MAML2: variants seen among roughly 807,000 people sequenced by gnomAD.
The protein encoded by MAML2 is mastermind-like protein 2.
In MAML2, 22 loss-of-function variants were observed where a neutral mutation model predicts 96.1. The observed-to-expected ratio is 0.23, with a 90% CI of 0.16 to 0.33. MAML2 has a LOEUF of 0.33. Among genes scored for constraint, MAML2 ranks in the 10% least tolerant of loss-of-function variants. The probability of loss-of-function intolerance (pLI) is 1.00; values close to 1 mark genes in which losing one functional copy is unlikely to be tolerated. For missense variants in MAML2, 1,367 were observed against 1,392.4 expected, an observed-to-expected ratio of 0.98 and a Z score of 0.29; for synonymous variants, 561 against 521.3, an observed-to-expected ratio of 1.08 and a Z score of -1.04.
At chr11:96,161,803 G>T (rs751810797) in intron 1 of MAML2, among the ~76,000 whole-genome samples, 1 of 152,140 alleles carries the variant, frequency 6.6e-6, no homozygotes, top group Non-Finnish European at 1.5e-5. Context: ...CTCCCAGTTT[G>T]CCTCCTGTCT....
chr11:96,139,331 G>C (rs1246758754), intron 1 of MAML2, among the ~76,000 whole-genome samples: 1 of 151,978 alleles, frequency 6.6e-6, no homozygotes, highest in African/African-American at 2.4e-5. Context: ...CAAAAAATTA[G>C]CCGGGCGTGG....
chr11:95,993,467 A>G (rs79033749), intron 2 of MAML2, among the ~76,000 whole-genome samples: 12,874 of 152,064 alleles, frequency 0.085, 775 homozygotes, highest in East Asian at 0.21. Context: ...CTTACTCAGG[A>G]GGCTGAGGCA....
intron 1 of MAML2, among the ~76,000 whole-genome samples, chr11:96,120,788 C>T (rs1436259463): frequency 6.6e-6 from 1 of 152,064 alleles, no homozygotes; most frequent in African/African-American, 2.4e-5. Context: ...TTAAAAGAGT[C>T]CCTGGATGAT....
At chr11:96,263,880 C>A (rs1040284979) in intron 1 of MAML2, among the ~76,000 whole-genome samples, 1 of 152,172 alleles carries the variant, frequency 6.6e-6, no homozygotes, top group African/African-American at 2.4e-5. Flanking sequence ...TGCATGTCAC[C>A]ATCTTCCTGG....
rs1408490957 is a variant in MAML2, at chr11:95,979,054, A to C, written c.3365T>G (p.Leu1122Arg). The C allele has an allele frequency of 6.2e-7, 1 of 1,614,002 alleles. No homozygotes were observed. The highest frequency in any genetic ancestry group is 8.5e-7 in the Non-Finnish European group (1 of 1,179,880). The change falls in exon 5 of 5, where the codon CTA becomes CGA. Residue 1122 changes from leucine (L) to arginine (R), a missense_variant. Leu to Arg is a moderately radical substitution (Grantham distance 102). Coordinates refer to ENST00000524717, the MANE Select transcript of MAML2 (RefSeq NM_032427.4). ...SQQNDNMGPA[L>R]NSDADFIDSL... ...ATCAATGAAATCAGCATCACTGTTTAGGGCAGGGCCCATGTTATCATTTTG... is the reference window on the plus strand; with the variant it reads ...ATCAATGAAATCAGCATCACTGTTTCGGGCAGGGCCCATGTTATCATTTTG...
At chr11:96,143,100 T>C (rs1390148228) in intron 1 of MAML2, among the ~76,000 whole-genome samples, 1 of 152,206 alleles carries the variant, frequency 6.6e-6, no homozygotes, top group Non-Finnish European at 1.5e-5. Context: ...AAAGCAGGCA[T>C]TGTCTCTCTT....
rs1857664858 is a variant in MAML2, at chr11:95,977,383, T to G, written c.*1565A>C. On this transcript the variant is annotated 3_prime_UTR_variant, in exon 5 of 5. Coordinates refer to ENST00000524717, the MANE Select transcript of MAML2 (RefSeq NM_032427.4). The stretch of plus-strand genomic sequence containing the variant: ...ATGTTGGTATTGTAAAGAAGGAGAG[T>G]GCTTCCAGACATTTTAAAGACTGGG... 5.3e-6 allele frequency: 1 copy of G among 188,506 alleles called. No homozygotes were observed. Among genetic ancestry groups the G allele is most frequent in the African/African-American group, 2.3e-5 (1 of 42,950 alleles). The allele number at this position is 188,506 out of a possible 1,614,324, so 11.7% of individuals were successfully genotyped here. A position where few individuals can be genotyped will look rare whatever the true frequency, so the allele number is the denominator to read the frequency against.
intron 2 of MAML2, among the ~76,000 whole-genome samples, chr11:96,066,320 C>T (rs746039058): frequency 1.1e-4 from 17 of 152,170 alleles, no homozygotes; most frequent in Admixed American, 2.6e-4. Flanking sequence ...ATTCTGAGGG[C>T]ACAAGGCAGA....
intron 2 of MAML2, among the ~76,000 whole-genome samples, chr11:96,061,598 C>T (rs1859160808): frequency 6.6e-6 from 1 of 152,150 alleles, no homozygotes; most frequent in Non-Finnish European, 1.5e-5. Context: ...TTTTTGACAT[C>T]AGAATGTCAT....
chr11:96,292,173 T>C (rs922991507), intron 1 of MAML2, among the ~76,000 whole-genome samples: 3 of 152,210 alleles, frequency 2.0e-5, no homozygotes, highest in African/African-American at 4.8e-5. Context: ...CTCCCTCTTC[T>C]AGTAATCATA....
intron 1 of MAML2, among the ~76,000 whole-genome samples, chr11:96,202,818 G>A (rs492194): frequency 0.8 from 120,686 of 151,776 alleles, 48,219 homozygotes; most frequent in Non-Finnish European, 0.83. Flanking sequence ...GGTAGAGACA[G>A]GGTTTCACCA....
At chr11:96,168,005 G>C (rs1465208766) in intron 1 of MAML2, among the ~76,000 whole-genome samples, 1 of 152,184 alleles carries the variant, frequency 6.6e-6, no homozygotes, top group Non-Finnish European at 1.5e-5. Flanking sequence ...GGCTGGGAGG[G>C]TTGCTGCAAT....
At chr11:96,282,192 T>C (rs754127960) in intron 1 of MAML2, among the ~76,000 whole-genome samples, 11 of 150,406 alleles carry the variant, frequency 7.3e-5, no homozygotes, top group African/African-American at 9.8e-5. Context: ...GAGCTTTTAG[T>C]GAGCGGAGAT....
chr11:96,026,045 C>A (rs979163596), intron 2 of MAML2, among the ~76,000 whole-genome samples: 1 of 152,158 alleles, frequency 6.6e-6, no homozygotes, highest in African/African-American at 2.4e-5. Flanking sequence ...TAAGGTAATG[C>A]TGTTCTTATG....
Position 96,149,749 on chromosome 11 carries a change from A to G in MAML2, c.514-56232T>C, listed in dbSNP as rs550730563. Among the ~76,000 whole-genome samples, 311 of 152,054 alleles carry G rather than the reference A, an allele frequency of 2.0e-3. 5 individuals are homozygous for G. The highest frequency in any genetic ancestry group is 7.2e-3 in the African/African-American group (297 of 41,490). ...ACTCTGTCTCAAAAAAAGAAAAGTA[A>G]AGTTGTCCTCAGTCTGTCTCTGTTT... On this transcript the variant is annotated intron_variant, in intron 1 of 4. Transcript: ENST00000524717.
At chr11:96,258,208 A>T (rs1223919955) in intron 1 of MAML2, among the ~76,000 whole-genome samples, 1 of 152,228 alleles carries the variant, frequency 6.6e-6, no homozygotes, top group Non-Finnish European at 1.5e-5. Flanking sequence ...ACTTATAAGC[A>T]TATATCATCT....
intron 2 of MAML2, among the ~76,000 whole-genome samples, chr11:95,994,542 G>A (rs550710704): frequency 1.3e-5 from 2 of 152,032 alleles, no homozygotes; most frequent in African/African-American, 4.8e-5. Context: ...GGTGCACCCT[G>A]AGTAAGGACA....
At chr11:96,138,867 C>A (rs925201375) in intron 1 of MAML2, among the ~76,000 whole-genome samples, 5 of 152,132 alleles carry the variant, frequency 3.3e-5, no homozygotes, top group African/African-American at 1.2e-4. Flanking sequence ...TTTATATAGA[C>A]CAGTTTTCTA....
chr11:96,017,022 T>C (rs1461908205), intron 2 of MAML2, among the ~76,000 whole-genome samples: 1 of 152,196 alleles, frequency 6.6e-6, no homozygotes, highest in African/African-American at 2.4e-5. Flanking sequence ...CAATTAACTA[T>C]GTGAGGAATA....
Sources: gnomAD v4.1 joint callset for allele counts (sites outside exome capture counted in the v4.1 genomes callset) on GRCh38, gnomAD v4.1.1 for gene constraint, MANE v1.5 for transcripts, NCBI Gene and HGNC (gene_info 2026-07-23, HGNC 2026-07-21) for gene names.